Variants in BBS4 observed in about 807,000 individuals in gnomAD.
The protein encoded by BBS4 is Bardet-Biedl syndrome 4, also known as BBSome complex member BBS4.
Under a neutral mutation model 71.4 loss-of-function variants are expected in BBS4, and 58 were observed. The ratio of observed to expected loss-of-function variants is 0.81; its 90% CI spans 0.66 to 1.01. The LOEUF is 1.01. Among genes scored for constraint, BBS4 ranks in the 50% least tolerant of loss-of-function variants. The probability of loss-of-function intolerance (pLI) is 0.00; values close to 1 mark genes in which losing one functional copy is unlikely to be tolerated. For missense variants in BBS4, 660 were observed against 607.9 expected (o/e 1.09, Z -0.90); for synonymous variants, 228 against 216.8 (o/e 1.05, Z -0.46).
chr15:72,718,389 C>G (rs1223617835), intron 6 of BBS4, among the ~76,000 whole-genome samples: 1 of 151,768 alleles, frequency 6.6e-6, no homozygotes, highest in African/African-American at 2.4e-5. Context: ...CATTTTGGTT[C>G]TTCTATTTTA....
chr15:72,715,345 C>T lies in BBS4; in HGVS notation c.275C>T (p.Thr92Ile), dbSNP rs761814377. The change falls in exon 5 of 16, where the codon ACA (threonine) becomes ATA (isoleucine). Residue 92 changes from threonine to isoleucine, a missense_variant. By Grantham distance (89) the Thr-to-Ile change is moderately conservative. Coordinates refer to ENST00000268057, the MANE Select transcript of BBS4 (RefSeq NM_033028.5). ...CAAGAATCCCTAGAACTCTTCCAGA[C>T]ATGTGCAGTTCTTAGTCCTCAGAGT... ...NIQESLELFQ[T>I]CAVLSPQSAD... 1.5e-5 allele frequency: 25 copies of T among 1,614,002 alleles called. No homozygotes were observed. The Middle Eastern group carries it at 4.9e-4, about 32-fold the overall frequency.
At chr15:72,716,697 A>G in intron 5 of BBS4, 81 bp from the exon 6 acceptor site, 1 of 1,050,996 alleles carries the variant, frequency 9.5e-7, no homozygotes, top group Non-Finnish European at 1.4e-6. Flanking sequence ...GCTGGATGAA[A>G]TATGATTAAA....
intron 14 of BBS4, 137 bp from the exon 15 acceptor site, chr15:72,736,625 T>C (rs2065929635): frequency 5.0e-6 from 4 of 803,154 alleles, no homozygotes; most frequent in South Asian, 4.4e-5. Context: ...TACTGTTTGA[T>C]AAGTACTTCC....
intron 2 of BBS4, among the ~76,000 whole-genome samples, chr15:72,701,615 A>G (rs1249343549): frequency 6.6e-6 from 1 of 152,206 alleles, no homozygotes; most frequent in African/African-American, 2.4e-5. Context: ...TTATATGTGC[A>G]TAGAAATTCC....
intron 1 of BBS4, chr15:72,686,537 A>G: frequency 1.3e-6 from 2 of 1,487,782 alleles, no homozygotes; most frequent in East Asian, 2.7e-5. Flanking sequence ...CCGTAGTGCC[A>G]TCTTTTTCTG....
intron 1 of BBS4, chr15:72,686,593 C>A (rs973930153): frequency 1.5e-6 from 2 of 1,363,708 alleles, no homozygotes; most frequent in East Asian, 3.8e-5. Flanking sequence ...GTAGACAGTT[C>A]CTGTTAATCC....
intron 7 of BBS4, 73 bp downstream of exon 7, chr15:72,722,920 G>A (rs1274728391): frequency 7.5e-7 from 1 of 1,328,470 alleles, no homozygotes; most frequent in Non-Finnish European, 1.1e-6. Flanking sequence ...TGCTCATTTG[G>A]TATTATCCCT....
At chr15:72,694,011 A>G (rs943425558) in intron 1 of BBS4, among the ~76,000 whole-genome samples, 4 of 151,844 alleles carry the variant, frequency 2.6e-5, no homozygotes, top group Non-Finnish European at 4.4e-5. Context: ...CAGCCTCCCA[A>G]GTAGCTGGGA....
chr15:72,703,849 T>C (rs1185127823), intron 2 of BBS4, among the ~76,000 whole-genome samples: 3 of 152,232 alleles, frequency 2.0e-5, no homozygotes, highest in East Asian at 1.9e-4. Context: ...TTAGTACTTA[T>C]ATAGCTAGCA....
At chr15:72,697,342 T>C (rs2065094618) in intron 2 of BBS4, among the ~76,000 whole-genome samples, 1 of 152,262 alleles carries the variant, frequency 6.6e-6, no homozygotes, top group African/African-American at 2.4e-5. Context: ...CACATTTTAC[T>C]GTGAAATCCT....
intron 1 of BBS4, among the ~76,000 whole-genome samples, chr15:72,691,909 G>A (rs1205029194): frequency 6.7e-6 from 1 of 149,172 alleles, no homozygotes; most frequent in Non-Finnish European, 1.5e-5. Flanking sequence ...GTTGCAGTGA[G>A]CCGAGATTGT....
At position 72,713,670 on chromosome 15, in the gene BBS4, A is replaced by G. The variant is rs149713709; in HGVS notation, c.220+1363A>G. ...ATGTAATTGTATATGCTGTACTTCTATGTGACTGGCAGCACAGTAGGTTTG... is the reference window on the plus strand; with the variant it reads ...ATGTAATTGTATATGCTGTACTTCTGTGTGACTGGCAGCACAGTAGGTTTG... On this transcript the variant is annotated intron_variant, in intron 4 of 15. Coordinates refer to ENST00000268057, the MANE Select transcript of BBS4 (RefSeq NM_033028.5). 2.4e-3 allele frequency among the ~76,000 whole-genome samples: 360 copies of G among 152,328 alleles called. 1 individual carries two copies. Among genetic ancestry groups the G allele is most frequent in the African/African-American group, 8.5e-3 (352 of 41,568 alleles).
chr15:72,729,219 T>C (rs1272182812), intron 9 of BBS4, among the ~76,000 whole-genome samples: 1 of 144,216 alleles, frequency 6.9e-6, no homozygotes, highest in Non-Finnish European at 1.5e-5. Context: ...GCCAGAGCAT[T>C]TCTGTTCTGG....
In BBS4 at chr15:72,695,248, G is replaced by C; in HGVS notation, c.76+20G>C. 1.3e-6 allele frequency: 2 copies of C among 1,482,812 alleles called. No homozygotes were observed. The highest frequency in any genetic ancestry group is 1.9e-6 in the Non-Finnish European group (2 of 1,061,992). The allele number at this position is 1,482,812 out of a possible 1,614,324, so 91.9% of individuals were successfully genotyped here. A position where few individuals can be genotyped will look rare whatever the true frequency, so the allele number is the denominator to read the frequency against. ...AAAAAGGTCTGTATGCAGTTTCATG[G>C]TATGTGTATGTTTGCACAGACAGAT... On this transcript the variant is annotated intron_variant, in intron 2 of 15. Coordinates refer to ENST00000268057, the MANE Select transcript of BBS4 (RefSeq NM_033028.5).
intron 2 of BBS4, among the ~76,000 whole-genome samples, chr15:72,701,116 A>AT (rs2065162023): frequency 6.6e-6 from 1 of 152,148 alleles, no homozygotes; most frequent in African/African-American, 2.4e-5. Flanking sequence ...CTTATTCCCT[A>AT]CCAGTCATTA....
Position 72,716,863 on chromosome 15 carries a change from C to G in BBS4, c.405+13C>G. 6.3e-7 allele frequency: 1 copy of G among 1,576,188 alleles called. No homozygotes were observed. The highest frequency in any genetic ancestry group is 8.7e-7 in the Non-Finnish European group (1 of 1,148,660). Reference sequence around the variant, plus strand: ...CCAGAAAGATTGGGTAAGTAGAGAACTTTCAGTTCTTTCTTATTAGTAAAC... The same window carrying G: ...CCAGAAAGATTGGGTAAGTAGAGAAGTTTCAGTTCTTTCTTATTAGTAAAC... On this transcript the variant is annotated intron_variant, in intron 6 of 15. Coordinates refer to ENST00000268057, the MANE Select transcript of BBS4 (RefSeq NM_033028.5).
rs1252692550 is a variant in BBS4, at chr15:72,738,372, G to T, written c.*785G>T. The T allele has an allele frequency of 1.4e-5, 6 of 441,630 alleles. 1 individual carries two copies. Among genetic ancestry groups the T allele is most frequent in the South Asian group, 3.2e-5 (2 of 61,858 alleles). 27.4% of individuals were successfully genotyped at this position (441,630 alleles called of 1,614,324 possible). Reference sequence around the variant, plus strand: ...TGACCAGATGCTATCAATACACTATGTGTCCTTTTTAGAATAAAGATTACA... The same window carrying T: ...TGACCAGATGCTATCAATACACTATTTGTCCTTTTTAGAATAAAGATTACA... On this transcript the variant is annotated 3_prime_UTR_variant, in exon 16 of 16. Transcript: ENST00000268057.
At position 72,721,271 on chromosome 15, in the gene BBS4, G is replaced by A. The variant is rs551950198; in HGVS notation, c.406-1523G>A. On this transcript the variant is annotated intron_variant, in intron 6 of 15. Transcript: ENST00000268057. ...ACTTTTTTTCGAGTGTGACGATGTGGGTAGTTTAAGAAAAAGGCCTTATCT... is the reference window on the plus strand; with the variant it reads ...ACTTTTTTTCGAGTGTGACGATGTGAGTAGTTTAAGAAAAAGGCCTTATCT... Among the ~76,000 whole-genome samples, 3 of 152,248 alleles carry A rather than the reference G, an allele frequency of 2.0e-5. No homozygotes were observed. In the East Asian group the frequency reaches 5.8e-4, roughly 29 times the overall value.
chr15:72,689,255 A>G (rs2064937859), intron 1 of BBS4, among the ~76,000 whole-genome samples: 2 of 152,338 alleles, frequency 1.3e-5, no homozygotes, highest in South Asian at 4.1e-4. Flanking sequence ...TAAAAATCTA[A>G]GAAGGCTACA....
Sources: gnomAD v4.1 joint callset for allele counts (sites outside exome capture counted in the v4.1 genomes callset) on GRCh38, gnomAD v4.1.1 for gene constraint, MANE v1.5 for transcripts, NCBI Gene and HGNC (gene_info 2026-07-23, HGNC 2026-07-21) for gene names.